Variants in MGAT4C observed in about 807,000 individuals in gnomAD.
MGAT4C encodes alpha-1,3-mannosyl-glycoprotein 4-beta-N-acetylglucosaminyltransferase C.
A neutral mutation model predicts 40.1 loss-of-function variants in MGAT4C; 19 were observed. That is an observed-to-expected ratio of 0.47 (90% CI 0.33 to 0.70). MGAT4C has a LOEUF of 0.70. Among genes scored for constraint, MGAT4C ranks in the 30% least tolerant of loss-of-function variants. MGAT4C has a pLI of 0.02. For synonymous variants in MGAT4C, 181 were observed against 187.1 expected, an observed-to-expected ratio of 0.97 and a Z score of 0.27; for missense variants, 491 against 563.2, an observed-to-expected ratio of 0.87 and a Z score of 1.30.
chr12:86,398,166 C>A (rs528137413), intron 3 of MGAT4C, among the ~76,000 whole-genome samples: 1 of 152,264 alleles, frequency 6.6e-6, no homozygotes, highest in South Asian at 2.1e-4. Context: ...GTGCTGGAAG[C>A]CAGAACTTTA....
At chr12:86,319,964 T>C in intron 4 of MGAT4C, among the ~76,000 whole-genome samples, 1 of 152,050 alleles carries the variant, frequency 6.6e-6, no homozygotes, top group East Asian at 1.9e-4. Flanking sequence ...ATGTACTGAG[T>C]GAATTTAGTT....
At chr12:86,198,331 C>T (rs560844660) in intron 1 of MGAT4C, among the ~76,000 whole-genome samples, 13 of 152,212 alleles carry the variant, frequency 8.5e-5, no homozygotes, top group Admixed American at 3.3e-4. Flanking sequence ...GGGATATTAG[C>T]ACTATTGCAA....
rs1032953837 is a variant in MGAT4C at position 85,961,337 on chromosome 12, G to C, written c.*17952C>G. The C allele has an allele frequency of 1.3e-5, 2 of 151,760 alleles. No individual in the cohort carries two copies. The highest frequency in any genetic ancestry group is 4.8e-5 in the African/African-American group (2 of 41,390). 9.4% of individuals were successfully genotyped at this position (151,760 alleles called of 1,614,324 possible). A position where few individuals can be genotyped will look rare whatever the true frequency, so the allele number is the denominator to read the frequency against. ...GAGCTCAGAAAAAAATGCCTAACATGAACATTTAAGCATCTTCTGTTTCTG... is the reference window on the plus strand; with the variant it reads ...GAGCTCAGAAAAAAATGCCTAACATCAACATTTAAGCATCTTCTGTTTCTG... On this transcript the variant is annotated 3_prime_UTR_variant, in exon 5 of 5. Transcript: ENST00000611864.
intron 1 of MGAT4C, among the ~76,000 whole-genome samples, chr12:86,835,855 CCA>C (rs1036635307): frequency 1.3e-5 from 2 of 150,936 alleles, no homozygotes; most frequent in African/African-American, 4.9e-5. Context: ...AAACCCCCCT[CCA>C]CACACACACA....
chr12:86,191,652 C>G (rs901261554), intron 1 of MGAT4C, among the ~76,000 whole-genome samples: 7 of 146,536 alleles, frequency 4.8e-5, no homozygotes, highest in Admixed American at 4.1e-4. Flanking sequence ...CACACACACA[C>G]ACACACACAC....
intron 2 of MGAT4C, among the ~76,000 whole-genome samples, chr12:86,019,681 T>C (rs556084992): frequency 2.0e-5 from 3 of 152,302 alleles, no homozygotes; most frequent in African/African-American, 7.2e-5. Flanking sequence ...TGGGCTTTTT[T>C]TTGGTTCCAT....
rs1565981691 is a variant in MGAT4C at position 86,774,344 on chromosome 12, TC to T, written c.-261-47104del. 6.4e-3 allele frequency among the ~76,000 whole-genome samples: 448 copies of T among 69,688 alleles called. 14 individuals are homozygous for T. The highest frequency in any genetic ancestry group is 0.012 in the South Asian group (21 of 1,720). 45.7% of individuals were successfully genotyped at this position (69,688 alleles called of 152,430 possible). A position where few individuals can be genotyped will look rare whatever the true frequency, so the allele number is the denominator to read the frequency against. Reference sequence around the variant, plus strand: ...CTTTCTTTCTTTCTTTCTTTCTGTCTCTCTCTCTCCCCTCTCTCTCTCTCTC... The same window carrying T: ...CTTTCTTTCTTTCTTTCTTTCTGTCTTCTCTCTCCCCTCTCTCTCTCTCTC... On this transcript the variant is annotated intron_variant, in intron 1 of 7. Transcript: ENST00000548651.
intron 1 of MGAT4C, among the ~76,000 whole-genome samples, chr12:86,172,889 A>C (rs987183026): frequency 6.6e-6 from 1 of 152,156 alleles, no homozygotes; most frequent in African/African-American, 2.4e-5. Flanking sequence ...ATTAATGATT[A>C]ACTTTATTAA....
At chr12:86,703,625 A>T (rs1314749342) in intron 2 of MGAT4C, among the ~76,000 whole-genome samples, 11 of 152,332 alleles carry the variant, frequency 7.2e-5, no homozygotes, top group Admixed American at 7.2e-4. Context: ...TTGCACACAT[A>T]ATAGACTACA....
At position 85,980,183 on chromosome 12, in the gene MGAT4C, G is replaced by T; in HGVS notation, c.543C>A (p.Ile181=). 1 of 1,613,874 alleles carries T rather than the reference G, an allele frequency of 6.2e-7. No homozygotes were observed. Among genetic ancestry groups the T allele is most frequent in the East Asian group, 2.2e-5 (1 of 44,864 alleles). Residue 181 remains isoleucine (I), a synonymous_variant, in exon 5 of 5, where the codon ATC becomes ATA. Transcript: ENST00000611864. The part of the protein sequence containing the change: ...VIHAPEEYYP[I]LDGLKRNYND... The stretch of plus-strand genomic sequence containing the variant: ...TGTAATTTCTTTTAAGGCCATCTAG[G>T]ATTGGGTAATACTCCTCTGGAGCAT...
intron 2 of MGAT4C, among the ~76,000 whole-genome samples, chr12:86,550,805 G>C (rs541290983): frequency 3.7e-4 from 57 of 152,308 alleles, no homozygotes; most frequent in Admixed American, 2.8e-3. Flanking sequence ...AAGTCTCTGA[G>C]TTACCAAGCA....
intron 1 of MGAT4C, among the ~76,000 whole-genome samples, chr12:86,209,999 C>T (rs1950398720): frequency 6.6e-6 from 1 of 152,062 alleles, no homozygotes; most frequent in South Asian, 2.1e-4. Flanking sequence ...ATTATGTTTC[C>T]ATTATTCTCT....
chr12:86,595,171 G>T (rs1961483524), intron 2 of MGAT4C, among the ~76,000 whole-genome samples: 1 of 152,110 alleles, frequency 6.6e-6, no homozygotes, highest in Non-Finnish European at 1.5e-5. Flanking sequence ...TGACACTGAT[G>T]CTGCTGGTCT....
chr12:86,463,036 G>C (rs1037964715), intron 2 of MGAT4C, among the ~76,000 whole-genome samples: 11 of 152,066 alleles, frequency 7.2e-5, no homozygotes, highest in Non-Finnish European at 1.5e-5. Flanking sequence ...GACTGGGTCT[G>C]TGGTATTTCC....
intron 1 of MGAT4C, among the ~76,000 whole-genome samples, chr12:86,224,870 A>C (rs575352287): frequency 6.6e-6 from 1 of 152,174 alleles, no homozygotes; most frequent in Admixed American, 6.5e-5. Flanking sequence ...AACTTTGTAC[A>C]TTAAGGAACT....
At chr12:86,488,651 C>A (rs190200067) in intron 2 of MGAT4C, among the ~76,000 whole-genome samples, 1 of 152,010 alleles carries the variant, frequency 6.6e-6, no homozygotes, top group Admixed American at 6.6e-5. Flanking sequence ...AACCTCAATT[C>A]TAAAATCTAT....
At chr12:86,791,144 A>G (rs545327338) in intron 1 of MGAT4C, among the ~76,000 whole-genome samples, 108 of 152,238 alleles carry the variant, frequency 7.1e-4, no homozygotes, top group African/African-American at 2.6e-3. Context: ...AGACCTTTGT[A>G]TTTTGGGGTT....
chr12:86,172,652 A>G (rs1471240388), intron 1 of MGAT4C, among the ~76,000 whole-genome samples: 2 of 152,126 alleles, frequency 1.3e-5, no homozygotes, highest in Non-Finnish European at 2.9e-5. Flanking sequence ...TATGGTGTTT[A>G]TTCAGTTGTC....
chr12:86,819,521 T>A (rs1952669286), intron 1 of MGAT4C, among the ~76,000 whole-genome samples: 2 of 150,944 alleles, frequency 1.3e-5, no homozygotes, highest in African/African-American at 4.8e-5. Flanking sequence ...AGGCAGTCAA[T>A]AAGTGGTGTA....
Sources: gnomAD v4.1 joint callset for allele counts (sites outside exome capture counted in the v4.1 genomes callset) on GRCh38, gnomAD v4.1.1 for gene constraint, MANE v1.5 for transcripts, NCBI Gene and HGNC (gene_info 2026-07-23, HGNC 2026-07-21) for gene names.